HIRIP3: variants seen among roughly 807,000 people sequenced by gnomAD.
The protein encoded by HIRIP3 is HIRA interacting protein 3.
A neutral mutation model predicts 50.3 loss-of-function variants in HIRIP3; 40 were observed. That is an observed-to-expected ratio of 0.79 (90% confidence interval 0.62 to 1.03). The LOEUF (loss-of-function observed/expected upper bound fraction) is 1.03. Ranked by LOEUF, HIRIP3 falls within the 50% of genes least tolerant of loss-of-function variation. HIRIP3 has a pLI of 0.00. For missense variants in HIRIP3, 765 were observed against 705.4 expected, an observed-to-expected ratio of 1.08 and a Z score of -0.96; for synonymous variants, 318 against 261.6, an observed-to-expected ratio of 1.22 and a Z score of -2.08.
At chr16:29,995,502 C>A in intron 1 of HIRIP3, 39 bp from the exon 2 acceptor site, 3 of 1,613,664 alleles carry the variant, frequency 1.9e-6, no homozygotes, top group Non-Finnish European at 2.5e-6. Context: ...CCCGACCCAC[C>A]CGCGCCCTTT....
Position 29,993,173 on chromosome 16 carries a change from A to G in HIRIP3, c.*34T>C, listed in dbSNP as rs2070006315. ...AAGGGGTGCTATGTATGCTTTGTAC[A>G]TGTATCAAGGGTCCCTCCTGGGGGT... On this transcript the variant is annotated 3_prime_UTR_variant, in exon 7 of 7. Transcript: ENST00000279392. 10 of 1,552,714 alleles carry G rather than the reference A, an allele frequency of 6.4e-6. No homozygotes were observed. The highest frequency in any genetic ancestry group is 1.4e-5 in the African/African-American group (1 of 72,800).
rs779599152 is a variant in HIRIP3, at chr16:29,993,300, C to T, written c.1578G>A (p.Arg526=). 6.5e-7 allele frequency: 1 copy of T among 1,543,336 alleles called. No individual in the cohort carries two copies. Among genetic ancestry groups the T allele is most frequent in the African/African-American group, 1.4e-5 (1 of 72,558 alleles). ...GCCGCTCTTCATCTGAGTCCAGGGT[C>T]CGTCGGTACAGCTCCCCTGGGGGTG... ...EAAPPGELYR[R]TLDSDEERPR... Residue 526 remains arginine, a synonymous_variant, in exon 7 of 7, where the codon CGG becomes CGA. Transcript: ENST00000279392.
upstream of HIRIP3, chr16:29,995,704 G>A: frequency 1.4e-6 from 2 of 1,454,928 alleles, no homozygotes; most frequent in Middle Eastern, 2.4e-4. Context: ...CTGCGGCAAC[G>A]TGGGGCGAGG....
intron 6 of HIRIP3, 23 bp from the exon 7 acceptor site, chr16:29,993,393 G>A (rs1317155747): frequency 1.9e-6 from 3 of 1,571,952 alleles, no homozygotes; most frequent in African/African-American, 1.4e-5. Flanking sequence ...GGAAACGAGA[G>A]ATCAGATGTC....
rs760488550 is a variant in HIRIP3, at chr16:29,995,440, C to T, written c.89G>A (p.Arg30Gln). 1.9e-6 allele frequency: 3 copies of T among 1,613,738 alleles called. No individual in the cohort carries two copies. Among genetic ancestry groups the T allele is most frequent in the East Asian group, 2.2e-5 (1 of 44,880 alleles). ...DLSTLTHSIVRRRYLAHSGRS... is the reference protein window; with the variant it reads ...DLSTLTHSIVQRRYLAHSGRS... Reference sequence around the variant, plus strand: ...GCCCGAGTGAGCTAAGTACCTCCGCCGCACGATGGAATGCGTAAGCGTGCT... The same window carrying T: ...GCCCGAGTGAGCTAAGTACCTCCGCTGCACGATGGAATGCGTAAGCGTGCT... Residue 30 changes from arginine (R) to glutamine (Q), a missense_variant, in exon 2 of 7, where the codon CGG (arginine) becomes CAG (glutamine). Arg to Gln is a conservative substitution (Grantham distance 43). Coordinates refer to ENST00000279392, the MANE Select transcript of HIRIP3 (RefSeq NM_003609.5).
chr16:29,995,431 T>C lies in HIRIP3; in HGVS notation c.98A>G (p.Tyr33Cys), dbSNP rs2070070350. The C allele has an allele frequency of 1.2e-6, 2 of 1,613,766 alleles. No individual in the cohort carries two copies. The highest frequency in any genetic ancestry group is 1.7e-6 in the Non-Finnish European group (2 of 1,179,884). Residue 33 changes from tyrosine (Y) to cysteine (C), a missense_variant, in exon 2 of 7, where the codon TAC becomes TGC. Transcript: ENST00000279392. ...TLTHSIVRRRYLAHSGRSHLE... is the reference protein window; with the variant it reads ...TLTHSIVRRRCLAHSGRSHLE... ...GTGGCTGCGGCCCGAGTGAGCTAAGTACCTCCGCCGCACGATGGAATGCGT... is the reference window on the plus strand; with the variant it reads ...GTGGCTGCGGCCCGAGTGAGCTAAGCACCTCCGCCGCACGATGGAATGCGT...
In HIRIP3 at chr16:29,993,674, G is replaced by A. The variant is rs1274073283; in HGVS notation, c.1374C>T (p.Ile458=). Residue 458 remains isoleucine (I), a synonymous_variant, in exon 5 of 7, where the codon ATC becomes ATT. Coordinates refer to ENST00000279392, the MANE Select transcript of HIRIP3 (RefSeq NM_003609.5). ...SCCSHKERLS[I]LRAELEALGM... Reference sequence around the variant, plus strand: ...CTAGCGCTTCCAGTTCTGCCCGGAGGATACTCAGGCGCTCCTTGTGTGAGC... The same window carrying A: ...CTAGCGCTTCCAGTTCTGCCCGGAGAATACTCAGGCGCTCCTTGTGTGAGC... 5.6e-6 allele frequency: 9 copies of A among 1,611,414 alleles called. No homozygotes were observed. In the East Asian group the frequency reaches 1.3e-4, roughly 24 times the overall value.
At position 29,994,253 on chromosome 16, in the gene HIRIP3, C is replaced by G. The variant is rs1393517523; in HGVS notation, c.892G>C (p.Ala298Pro). The part of the protein sequence containing the change: ...DSDSEEEQKE[A>P]ASSGDDSGRD... ...CCACTGTCATCCCCACTGCTGGCTG[C>G]CTCTTTCTGCTCTTCCTCGCTGTCT... The change falls in exon 4 of 7, where the codon GCA becomes CCA. Residue 298 changes from alanine (A) to proline (P), a missense_variant. Coordinates refer to ENST00000279392, the MANE Select transcript of HIRIP3 (RefSeq NM_003609.5). The G allele has an allele frequency of 8.7e-6, 14 of 1,614,068 alleles. No homozygotes were observed. The South Asian group carries it at 1.5e-4, about 18-fold the overall frequency.
In HIRIP3 at chr16:29,995,189, T is replaced by A; in HGVS notation, c.215A>T (p.Lys72Ile). 1 of 1,614,200 alleles carries A rather than the reference T, an allele frequency of 6.2e-7. No homozygotes were observed. The highest frequency in any genetic ancestry group is 8.5e-7 in the Non-Finnish European group (1 of 1,180,030). The change falls in exon 3 of 7, where the codon AAA (lysine) becomes ATA (isoleucine). Residue 72 changes from lysine to isoleucine, a missense_variant. Physicochemically the swap from Lys to Ile is moderately radical, Grantham distance 102. Coordinates refer to ENST00000279392, the MANE Select transcript of HIRIP3 (RefSeq NM_003609.5). ...QVDEAASRED[K>I]LDLTKKGKRP... The stretch of plus-strand genomic sequence containing the variant: ...CTTGCCCTTCTTGGTAAGGTCCAGT[T>A]TGTCTTCCCTGGAAGCGGCTTCATC...
In HIRIP3 at chr16:29,994,409, C is replaced by T. The variant is rs1473113281; in HGVS notation, c.736G>A (p.Glu246Lys). 1 of 1,613,704 alleles carries T rather than the reference C, an allele frequency of 6.2e-7. No individual in the cohort carries two copies. The highest frequency in any genetic ancestry group is 8.5e-7 in the Non-Finnish European group (1 of 1,179,702). ...KEQREEEVEE[E>K]EKEEDEEKGD... ...TTTTCCTCATCCTCTTCTTTCTCTTCCTCCTCCACTTCCTCCTCTCTCTGC... is the reference window on the plus strand; with the variant it reads ...TTTTCCTCATCCTCTTCTTTCTCTTTCTCCTCCACTTCCTCCTCTCTCTGC... Residue 246 changes from glutamate (E) to lysine (K), a missense_variant, in exon 4 of 7, where the codon GAA becomes AAA. Coordinates refer to ENST00000279392, the MANE Select transcript of HIRIP3 (RefSeq NM_003609.5).
rs1322199145 is a variant in HIRIP3, at chr16:29,992,682, T to C, written c.*525A>G. The C allele has an allele frequency of 6.6e-6, 1 of 152,426 alleles. No individual in the cohort carries two copies. Among genetic ancestry groups the C allele is most frequent in the East Asian group, 1.9e-4 (1 of 5,192 alleles). The allele number at this position is 152,426 out of a possible 1,614,324, so 9.4% of individuals were successfully genotyped here. ...GCTAACAGCCCATGGACAAAGTGGC[T>C]GTTTGCATAAGGGAGAAGGCTTAAG... On this transcript the variant is annotated 3_prime_UTR_variant, in exon 7 of 7. Transcript: ENST00000279392.
chr16:29,993,023 A>G lies in HIRIP3; in HGVS notation c.*184T>C, dbSNP rs2070004245. ...GGTGATTAAAAACACTCCTTTATTGAGTCTTAAAAAATAAACACCTTAAAG... is the reference window on the plus strand; with the variant it reads ...GGTGATTAAAAACACTCCTTTATTGGGTCTTAAAAAATAAACACCTTAAAG... On this transcript the variant is annotated 3_prime_UTR_variant, in exon 7 of 7. Transcript: ENST00000279392. 2.2e-5 allele frequency: 10 copies of G among 460,358 alleles called. 1 individual carries two copies. In the East Asian group the frequency reaches 3.1e-4, roughly 14 times the overall value. The allele number at this position is 460,358 out of a possible 1,614,324, so 28.5% of individuals were successfully genotyped here. A position where few individuals can be genotyped will look rare whatever the true frequency, so the allele number is the denominator to read the frequency against.
rs1341576613 is a variant in HIRIP3 at position 29,994,384 on chromosome 16, T to C, written c.761A>G (p.Lys254Arg). The C allele has an allele frequency of 6.2e-7, 1 of 1,613,968 alleles. No individual in the cohort carries two copies. Among genetic ancestry groups the C allele is most frequent in the African/African-American group, 1.3e-5 (1 of 74,894 alleles). Residue 254 changes from lysine (K) to arginine (R), a missense_variant, in exon 4 of 7, where the codon AAG (lysine) becomes AGG (arginine). Coordinates refer to ENST00000279392, the MANE Select transcript of HIRIP3 (RefSeq NM_003609.5). ...EEEEKEEDEE[K>R]GDWKPRTRSN... ...CCTGGTTCTGGGTTTCCAATCCCCC[T>C]TTTCCTCATCCTCTTCTTTCTCTTC...
In HIRIP3 at chr16:29,994,243, C is replaced by A. The variant is rs775025103; in HGVS notation, c.902G>T (p.Ser301Ile). 3.1e-6 allele frequency: 5 copies of A among 1,614,184 alleles called. No individual in the cohort carries two copies. The Admixed American group carries it at 8.3e-5, about 27-fold the overall frequency. Reference protein sequence around the residue: ...SEEEQKEAASSGDDSGRDREP... With the variant: ...SEEEQKEAASIGDDSGRDREP... Reference sequence around the variant, plus strand: ...TCTATCTCTCCCACTGTCATCCCCACTGCTGGCTGCCTCTTTCTGCTCTTC... The same window carrying A: ...TCTATCTCTCCCACTGTCATCCCCAATGCTGGCTGCCTCTTTCTGCTCTTC... The change falls in exon 4 of 7, where the codon AGT (serine) becomes ATT (isoleucine). Residue 301 changes from serine to isoleucine, a missense_variant. Transcript: ENST00000279392.
In HIRIP3 at chr16:29,993,367, C is replaced by A. The variant is rs370424441; in HGVS notation, c.1511G>T (p.Arg504Leu). 4 of 1,553,186 alleles carry A rather than the reference C, an allele frequency of 2.6e-6. No individual in the cohort carries two copies. In the African/African-American group the frequency reaches 5.5e-5, roughly 21 times the overall value. The change falls in exon 7 of 7, where the codon CGG becomes CTG. Residue 504 changes from arginine (R) to leucine (L), a missense_variant. Physicochemically the swap from Arg to Leu is moderately radical, Grantham distance 102. Coordinates refer to ENST00000279392, the MANE Select transcript of HIRIP3 (RefSeq NM_003609.5). ...DVANIISGSG[R>L]PRRRTAWNPL... The stretch of plus-strand genomic sequence containing the variant: ...GTTCCAGGCTGTACGTCTGCGTGGC[C>A]GGCCTAGGGGAAAGGGGAAACGAGA...
rs1351151891 is a variant in HIRIP3, at chr16:29,993,051, A to C, written c.*156T>G. The stretch of plus-strand genomic sequence containing the variant: ...CTTAAAAAATAAACACCTTAAAGGG[A>C]CAGCGTGAAGCTGAGAAGTAGCATC... On this transcript the variant is annotated 3_prime_UTR_variant, in exon 7 of 7. Transcript: ENST00000279392. 1 of 573,694 alleles carries C rather than the reference A, an allele frequency of 1.7e-6. No individual in the cohort carries two copies. Among genetic ancestry groups the C allele is most frequent in the Non-Finnish European group, 2.9e-6 (1 of 347,774 alleles). The allele number at this position is 573,694 out of a possible 1,614,324, so 35.5% of individuals were successfully genotyped here. A position where few individuals can be genotyped will look rare whatever the true frequency, so the allele number is the denominator to read the frequency against.
In HIRIP3 at chr16:29,994,335, A is replaced by G. The variant is rs747065079; in HGVS notation, c.810T>C (p.Ala270=). Residue 270 remains alanine (A), a synonymous_variant, in exon 4 of 7, where the codon GCT becomes GCC. Coordinates refer to ENST00000279392, the MANE Select transcript of HIRIP3 (RefSeq NM_003609.5). ...TCTGCTTACAGCTCCTCTCCTCCCT[A>G]GCTGACTTTCTCCGGCCATTGCTCC... is the stretch of plus-strand genomic sequence containing the variant. ...RTRSNGRRKS[A]REERSCKQKS... is the part of the protein sequence containing the mutation. 7 of 1,613,672 alleles carry G rather than the reference A, an allele frequency of 4.3e-6. No homozygotes were observed. The African/African-American group carries it at 8.0e-5, about 19-fold the overall frequency.
intron 3 of HIRIP3, 82 bp downstream of exon 3, chr16:29,995,021 G>A: frequency 1.3e-6 from 2 of 1,505,132 alleles, no homozygotes; most frequent in Non-Finnish European, 1.8e-6. Flanking sequence ...CTAACGCCTG[G>A]GGACATAAGA....
chr16:29,995,655 C>A, upstream of HIRIP3: 1 of 1,599,526 alleles, frequency 6.3e-7, no homozygotes, highest in Non-Finnish European at 8.5e-7. Flanking sequence ...TTCTCGGCCT[C>A]CGTCAGCGCG....
Sources: gnomAD v4.1 joint callset for allele counts on GRCh38, gnomAD v4.1.1 for gene constraint, MANE v1.5 for transcripts, NCBI Gene and HGNC (gene_info 2026-07-23, HGNC 2026-07-21) for gene names.